KAZN: variants seen among roughly 807,000 people sequenced by gnomAD.
The protein encoded by KAZN is kazrin.
In KAZN, 40 loss-of-function variants were observed where a neutral mutation model predicts 87.4. The observed-to-expected ratio is 0.46, with a 90% CI of 0.36 to 0.60. The LOEUF (loss-of-function observed/expected upper bound fraction) is 0.60. Among genes scored for constraint, KAZN ranks in the 20% least tolerant of loss-of-function variants. KAZN has a pLI of 0.00. For missense variants in KAZN, 898 were observed against 1,073.9 expected, an observed-to-expected ratio of 0.84 and a Z score of 2.29; for synonymous variants, 466 against 458.3, an observed-to-expected ratio of 1.02 and a Z score of -0.22.
intron 1 of KAZN, among the ~76,000 whole-genome samples, chr1:14,675,755 C>T (rs923471842): frequency 2.0e-4 from 31 of 152,118 alleles, no homozygotes; most frequent in African/African-American, 6.8e-4. Flanking sequence ...AGTAAAAGTA[C>T]GTGCTCAATA....
chr1:14,162,823 C>A (rs947687653), intron 1 of KAZN, among the ~76,000 whole-genome samples: 1 of 152,296 alleles, frequency 6.6e-6, no homozygotes, highest in Non-Finnish European at 1.5e-5. Context: ...GGATTACAGG[C>A]GTGAGCCACC....
chr1:13,961,867 G>C (rs963191575), intron 1 of KAZN, among the ~76,000 whole-genome samples: 12 of 152,180 alleles, frequency 7.9e-5, no homozygotes, highest in Non-Finnish European at 1.5e-4. Context: ...TATTGAATGT[G>C]AATGTCAGAA....
At chr1:14,997,682 G>A (rs560965282) in intron 2 of KAZN, among the ~76,000 whole-genome samples, 10 of 152,100 alleles carry the variant, frequency 6.6e-5, no homozygotes, top group African/African-American at 2.4e-4. Flanking sequence ...AGCCTGTGTG[G>A]GGAAGTGGAC....
intron 1 of KAZN, among the ~76,000 whole-genome samples, chr1:14,784,385 G>A (rs1645442715): frequency 1.3e-5 from 2 of 152,168 alleles, no homozygotes; most frequent in Non-Finnish European, 2.9e-5. Context: ...ATCAGAGAGG[G>A]AGTCTGGGGA....
At chr1:14,801,726 C>G (rs2100741347) in intron 1 of KAZN, among the ~76,000 whole-genome samples, 1 of 151,778 alleles carries the variant, frequency 6.6e-6, no homozygotes, top group African/African-American at 2.4e-5. Flanking sequence ...CTTTGTTGCC[C>G]AGGCTGGAGT....
At chr1:14,374,606 A>G (rs1169432205) in intron 2 of KAZN, among the ~76,000 whole-genome samples, 1 of 152,158 alleles carries the variant, frequency 6.6e-6, no homozygotes, top group East Asian at 1.9e-4. Context: ...GTCTCTAGTG[A>G]TGATCAAAGT....
chr1:15,081,729 C>T lies in KAZN; in HGVS notation c.1223-12451C>T, dbSNP rs1020412195. ...CAGGCCGCTGTTCAGGCCAAGGGAA[C>T]GGCAGGTGCAGGGATTGGAGAGGGG... On this transcript the variant is annotated intron_variant, in intron 8 of 14. Transcript: ENST00000376030. The surrounding 1 kb of genome is among the most constrained non-coding windows in gnomAD (Gnocchi z 4.1). Among the ~76,000 whole-genome samples, 10 of 152,034 alleles carry T rather than the reference C, an allele frequency of 6.6e-5. No homozygotes were observed. The highest frequency in any genetic ancestry group is 2.4e-4 in the African/African-American group (10 of 41,388).
intron 2 of KAZN, among the ~76,000 whole-genome samples, chr1:14,186,394 T>C (rs898739243): frequency 6.6e-6 from 1 of 152,096 alleles, no homozygotes; most frequent in African/African-American, 2.4e-5. Flanking sequence ...AGGGATACAC[T>C]TAATAGAAAC....
At chr1:15,022,507 C>CT (rs1437377827) in intron 2 of KAZN, among the ~76,000 whole-genome samples, 5 of 152,222 alleles carry the variant, frequency 3.3e-5, no homozygotes, top group Non-Finnish European at 7.3e-5. Context: ...GTCCAGGCCT[C>CT]TGTCTGTAGA....
intron 1 of KAZN, among the ~76,000 whole-genome samples, chr1:14,149,547 C>A (rs1365254053): frequency 6.6e-6 from 1 of 152,130 alleles, no homozygotes; most frequent in South Asian, 2.1e-4. Flanking sequence ...TCTCGTTTGG[C>A]CACCATTGCC....
At chr1:14,542,966 G>A (rs1672904304) in intron 2 of KAZN, among the ~76,000 whole-genome samples, 1 of 127,988 alleles carries the variant, frequency 7.8e-6, no homozygotes, top group Non-Finnish European at 1.6e-5. Context: ...AAGATGGAAG[G>A]AATGGGAAAG....
intron 1 of KAZN, among the ~76,000 whole-genome samples, chr1:13,894,401 TA>T (rs58728430): frequency 0.8 from 120,483 of 150,158 alleles, 48,372 homozygotes; most frequent in Admixed American, 0.85. Context: ...TGTGGTCACA[TA>T]AAAAAAAAAA....
At chr1:14,240,386 A>G (rs1033762119) in intron 2 of KAZN, among the ~76,000 whole-genome samples, 45 of 152,272 alleles carry the variant, frequency 3.0e-4, no homozygotes, top group Middle Eastern at 3.4e-3. Flanking sequence ...TGCAGCCCCC[A>G]TGGGGAAGAC....
intron 2 of KAZN, among the ~76,000 whole-genome samples, chr1:14,281,984 C>A (rs1652872633): frequency 6.6e-6 from 1 of 152,190 alleles, no homozygotes; most frequent in African/African-American, 2.4e-5. Context: ...CCCAGCTCCC[C>A]ACACCTACAG....
Position 15,115,411 on chromosome 1 carries a change from C to T in KAZN, c.*776C>T, listed in dbSNP as rs910578048. On this transcript the variant is annotated 3_prime_UTR_variant, in exon 15 of 15. Transcript: ENST00000376030. This position sits in a 1 kb window ranked among gnomAD's most constrained non-coding sequence, Gnocchi z 4.1. ...ACCAGAATGAAAGCTATTGGGACAA[C>T]AGGATCGGGGATGACCGACGGCCCC... 2.6e-5 allele frequency: 4 copies of T among 152,196 alleles called. No individual in the cohort carries two copies. The highest frequency in any genetic ancestry group is 4.4e-5 in the Non-Finnish European group (3 of 68,058). 9.4% of individuals were successfully genotyped at this position (152,196 alleles called of 1,614,324 possible).
At chr1:14,197,387 TAAAA>T (rs35290614) in intron 2 of KAZN, among the ~76,000 whole-genome samples, 13 of 102,274 alleles carry the variant, frequency 1.3e-4, no homozygotes, top group African/African-American at 3.5e-4. Flanking sequence ...AAGTAAATGT[TAAAA>T]AAAAAAAAAA....
intron 1 of KAZN, among the ~76,000 whole-genome samples, chr1:14,947,209 G>A (rs1332418658): frequency 6.6e-6 from 1 of 152,246 alleles, no homozygotes; most frequent in African/African-American, 2.4e-5. Flanking sequence ...TGAGGTGGTG[G>A]ATGTAACTAA....
intron 1 of KAZN, among the ~76,000 whole-genome samples, chr1:14,750,011 CAA>C (rs1557450713): frequency 6.6e-6 from 1 of 151,196 alleles, no homozygotes; most frequent in African/African-American, 2.4e-5. Context: ...TACCCATGAC[CAA>C]AAAAAAGGTG....
intron 1 of KAZN, among the ~76,000 whole-genome samples, chr1:14,627,769 A>AACCAGCT (rs948935427): frequency 6.6e-6 from 1 of 152,160 alleles, no homozygotes; most frequent in African/African-American, 2.4e-5. Flanking sequence ...ACCGCCAAAC[A>AACCAGCT]ACCAGCTAAG....
Sources: gnomAD v4.1 joint callset for allele counts (sites outside exome capture counted in the v4.1 genomes callset) on GRCh38, gnomAD v4.1.1 for gene constraint, Gnocchi (gnomAD v3.1) non-coding constraint, MANE v1.5 for transcripts, NCBI Gene and HGNC (gene_info 2026-07-23, HGNC 2026-07-21) for gene names.